PPFIA2: variants seen among roughly 807,000 people sequenced by gnomAD.
PPFIA2 encodes the protein liprin-alpha-2.
A neutral mutation model predicts 175.5 loss-of-function variants in PPFIA2; 46 were observed. The ratio of observed to expected loss-of-function variants is 0.26; its 90% CI spans 0.21 to 0.34. The LOEUF is 0.34. Among genes scored for constraint, PPFIA2 ranks in the 10% least tolerant of loss-of-function variants. The pLI is 1.00. For synonymous variants in PPFIA2, 568 were observed against 511.4 expected (o/e 1.11, Z -1.49); for missense variants, 1,179 against 1,506.1 (o/e 0.78, Z 3.60).
chr12:81,664,420 C>T (rs917146898), intron 4 of PPFIA2, among the ~76,000 whole-genome samples: 1 of 151,998 alleles, frequency 6.6e-6, no homozygotes, highest in South Asian at 2.1e-4. Context: ...ATTTATGCAG[C>T]CAAAAGACAC....
intron 17 of PPFIA2, chr12:81,350,374 T>C (rs1241453190): frequency 1.3e-5 from 2 of 152,210 alleles, no homozygotes; most frequent in Non-Finnish European, 2.9e-5. Context: ...GCCAGATACA[T>C]TTCTTGCTCC....
At chr12:81,317,585 G>A (rs1351864212) in intron 22 of PPFIA2, among the ~76,000 whole-genome samples, 1 of 151,520 alleles carries the variant, frequency 6.6e-6, no homozygotes. Context: ...TTAGGACAAG[G>A]AAGAGCAGAA....
At chr12:81,347,813 T>C in intron 17 of PPFIA2, 43 bp from the exon 18 acceptor site, 5 of 1,599,150 alleles carry the variant, frequency 3.1e-6, no homozygotes, top group Non-Finnish European at 4.3e-6. Context: ...TAATTTAATA[T>C]GGATCCATTA....
chr12:81,703,451 C>T (rs1024879054), intron 3 of PPFIA2, among the ~76,000 whole-genome samples: 1 of 152,068 alleles, frequency 6.6e-6, no homozygotes, highest in African/African-American at 2.4e-5. Flanking sequence ...ATCCAATGTA[C>T]AGAATCCAAT....
At chr12:81,273,758 T>C (rs188353122) in intron 28 of PPFIA2, among the ~76,000 whole-genome samples, 1 of 152,204 alleles carries the variant, frequency 6.6e-6, no homozygotes, top group East Asian at 1.9e-4. Flanking sequence ...TAATAAGGAA[T>C]ATGAGAGGAA....
chr12:81,507,743 A>G (rs2061332974), intron 4 of PPFIA2, among the ~76,000 whole-genome samples: 1 of 152,170 alleles, frequency 6.6e-6, no homozygotes, highest in African/African-American at 2.4e-5. Flanking sequence ...GCATACTGCT[A>G]GAGGAGTCCT....
chr12:81,722,185 T>C (rs902947956), intron 3 of PPFIA2, among the ~76,000 whole-genome samples: 2 of 151,100 alleles, frequency 1.3e-5, no homozygotes, highest in African/African-American at 4.8e-5. Context: ...GTATTCAATG[T>C]GACTCATTCC....
At chr12:81,553,646 C>A (rs2068326958) in intron 4 of PPFIA2, among the ~76,000 whole-genome samples, 1 of 152,072 alleles carries the variant, frequency 6.6e-6, no homozygotes, top group African/African-American at 2.4e-5. Flanking sequence ...GAGCACTGAG[C>A]TGCTAGACAT....
chr12:81,370,048 A>G (rs936949568), intron 11 of PPFIA2, among the ~76,000 whole-genome samples: 22 of 151,864 alleles, frequency 1.4e-4, no homozygotes, highest in Non-Finnish European at 3.1e-4. Context: ...ACCAAACACC[A>G]GAATATGTCT....
chr12:81,471,994 A>G (rs1321390416), intron 4 of PPFIA2, among the ~76,000 whole-genome samples: 2 of 152,200 alleles, frequency 1.3e-5, no homozygotes, highest in Non-Finnish European at 2.9e-5. Flanking sequence ...TTTTTTAAAC[A>G]AATACACACA....
chr12:81,701,189 T>C lies in PPFIA2; in HGVS notation c.250-24345A>G, dbSNP rs190863691. ...CCATCATGGTGCACAATACAAAGGATTGTTGGAAAGATTAAATGAAATGTT... is the reference window on the plus strand; with the variant it reads ...CCATCATGGTGCACAATACAAAGGACTGTTGGAAAGATTAAATGAAATGTT... On this transcript the variant is annotated intron_variant, in intron 3 of 32. Transcript: ENST00000549396. Among the ~76,000 whole-genome samples the C allele has an allele frequency of 4.6e-5, 7 of 152,252 alleles. No homozygotes were observed. The South Asian group carries it at 8.3e-4, about 18-fold the overall frequency.
chr12:81,342,694 C>G (rs779479099), intron 19 of PPFIA2, among the ~76,000 whole-genome samples: 2 of 152,050 alleles, frequency 1.3e-5, no homozygotes, highest in African/African-American at 2.4e-5. Context: ...TGTTTCTGAA[C>G]TATTCCTAAT....
At chr12:81,671,400 C>T (rs994026959) in intron 4 of PPFIA2, among the ~76,000 whole-genome samples, 4 of 151,770 alleles carry the variant, frequency 2.6e-5, no homozygotes, top group African/African-American at 7.3e-5. Context: ...CAAGTTTCTC[C>T]TGTGATATTG....
At chr12:81,325,633 G>A (rs1311563151) in intron 22 of PPFIA2, 144 bp downstream of exon 22, 5 of 574,820 alleles carry the variant, frequency 8.7e-6, no homozygotes, top group Non-Finnish European at 1.5e-5. Context: ...GGAAACATAA[G>A]CCCTGAGTGT....
chr12:81,707,389 G>A (rs2077308739), intron 3 of PPFIA2, among the ~76,000 whole-genome samples: 1 of 152,160 alleles, frequency 6.6e-6, no homozygotes, highest in Non-Finnish European at 1.5e-5. Flanking sequence ...CTCAGAAGAA[G>A]ACATTTATGC....
At chr12:81,624,815 G>C (rs1421927773) in intron 4 of PPFIA2, among the ~76,000 whole-genome samples, 2 of 150,658 alleles carry the variant, frequency 1.3e-5, no homozygotes, top group Non-Finnish European at 3.0e-5. Context: ...ATGGACTTCA[G>C]AGACTCAGAA....
intron 26 of PPFIA2, 61 bp downstream of exon 26, chr12:81,282,949 A>C: frequency 6.9e-7 from 1 of 1,452,094 alleles, no homozygotes; most frequent in Middle Eastern, 1.7e-4. Flanking sequence ...CAGTTTCTTG[A>C]TTTATATTCT....
At chr12:81,651,121 T>TA (rs2064873565) in intron 4 of PPFIA2, among the ~76,000 whole-genome samples, 2 of 152,258 alleles carry the variant, frequency 1.3e-5, no homozygotes, top group Middle Eastern at 3.4e-3. Context: ...TCTGGCTATA[T>TA]AGTAAAGCTG....
chr12:81,623,886 CA>C (rs1180383867), intron 4 of PPFIA2, among the ~76,000 whole-genome samples: 2 of 151,576 alleles, frequency 1.3e-5, no homozygotes, highest in East Asian at 3.9e-4. Flanking sequence ...TAAATAGCTG[CA>C]AAAAAACAAA....
Sources: gnomAD v4.1 joint callset for allele counts (sites outside exome capture counted in the v4.1 genomes callset) on GRCh38, gnomAD v4.1.1 for gene constraint, MANE v1.5 for transcripts, NCBI Gene and HGNC (gene_info 2026-07-23, HGNC 2026-07-21) for gene names.